SLC66A1: variants seen among roughly 807,000 people sequenced by gnomAD.
SLC66A1 encodes the protein lysosomal amino acid transporter 1 homolog.
Under a neutral mutation model 33.0 loss-of-function variants are expected in SLC66A1, and 23 were observed. The ratio of observed to expected loss-of-function variants is 0.70; its 90% CI spans 0.50 to 0.99. The LOEUF (loss-of-function observed/expected upper bound fraction) is 0.99, where lower values mean the gene tolerates loss of function less well. SLC66A1 is among the 50% of genes least tolerant of loss of function. The pLI is 0.00. For missense variants in SLC66A1, 335 were observed against 383.6 expected (o/e 0.87, Z 1.06); for synonymous variants, 164 against 175.5 (o/e 0.93, Z 0.52).
At chr1:19,326,155 CT>C (rs1473288894) in intron 4 of SLC66A1, 89 bp from the exon 5 acceptor site, 1 of 1,320,286 alleles carries the variant, frequency 7.6e-7, no homozygotes, top group African/African-American at 1.5e-5. Flanking sequence ...CACACAGCCC[CT>C]GAGGGGCAAG....
rs41264077 is a variant in SLC66A1, at chr1:19,326,190, G to A, written c.383-55G>A. 5.6e-4 allele frequency: 867 copies of A among 1,549,314 alleles called. 5 individuals are homozygous for A. In the African/African-American group the frequency reaches 0.01, roughly 18 times the overall value. On this transcript the variant is annotated intron_variant, in intron 4 of 7. Coordinates refer to ENST00000375153, the MANE Select transcript of SLC66A1 (RefSeq NM_001040125.2). Reference sequence around the variant, plus strand: ...AGGCCAGGACTTAGCACCCTCCCCCGACAACCGCTGCCACTCAGCCATCTA... The same window carrying A: ...AGGCCAGGACTTAGCACCCTCCCCCAACAACCGCTGCCACTCAGCCATCTA...
At position 19,328,847 on chromosome 1, in the gene SLC66A1, G is replaced by A. The variant is rs182963376; in HGVS notation, c.*204G>A. The A allele has an allele frequency of 1.1e-4, 68 of 611,998 alleles. No individual in the cohort carries two copies. Among genetic ancestry groups the A allele is most frequent in the African/African-American group, 1.0e-3 (54 of 54,170 alleles). The allele number at this position is 611,998 out of a possible 1,614,324, so 37.9% of individuals were successfully genotyped here. On this transcript the variant is annotated 3_prime_UTR_variant, in exon 8 of 8. Coordinates refer to ENST00000375153, the MANE Select transcript of SLC66A1 (RefSeq NM_001040125.2). The surrounding 1 kb of genome is among the most constrained non-coding windows in gnomAD (Gnocchi z 4.7). ...CCGGGGCTGGAGCGGAGACCCCAGG[G>A]CCTCTCAGGAGACAGTGAGGCTGCC... is the stretch of plus-strand genomic sequence containing the variant.
intron 4 of SLC66A1, among the ~76,000 whole-genome samples, chr1:19,325,863 C>T (rs1250848176): frequency 6.6e-6 from 1 of 152,200 alleles, no homozygotes. Context: ...CTGTGTCCGG[C>T]CCTGGGCTTG....
At chr1:19,316,767 A>G (rs1271301577) in intron 1 of SLC66A1, among the ~76,000 whole-genome samples, 1 of 152,076 alleles carries the variant, frequency 6.6e-6, no homozygotes, top group African/African-American at 2.4e-5. Flanking sequence ...CCTGGGCTCA[A>G]GTGATCCTCC....
chr1:19,328,463 TGGGGGTGGGAGGGA>T lies in SLC66A1; in HGVS notation c.805-104_805-91del. ...TGGCTGGCCCTTCCCACCTGCAGCGTGGGGGTGGGAGGGAGGGGAGAGGGAGGCAGCTCCCAGGA... is the reference window on the plus strand; with the variant it reads ...TGGCTGGCCCTTCCCACCTGCAGCGTGGGGAGAGGGAGGCAGCTCCCAGGA... On this transcript the variant is annotated intron_variant, in intron 7 of 7. Transcript: ENST00000375153. This position sits in a 1 kb window ranked among gnomAD's most constrained non-coding sequence, Gnocchi z 4.7. The T allele has an allele frequency of 2.0e-6, 2 of 995,710 alleles. No individual in the cohort carries two copies. The highest frequency in any genetic ancestry group is 4.0e-5 in the Admixed American group (2 of 49,412). 61.7% of individuals were successfully genotyped at this position (995,710 alleles called of 1,614,324 possible).
At chr1:19,325,807 C>T (rs571847300) in intron 4 of SLC66A1, among the ~76,000 whole-genome samples, 30 of 152,242 alleles carry the variant, frequency 2.0e-4, no homozygotes, top group Non-Finnish European at 3.4e-4. Context: ...AGGCCGGTTC[C>T]TCTCGCCCAG....
At position 19,325,484 on chromosome 1, in the gene SLC66A1, A is replaced by G. The variant is rs746180606; in HGVS notation, c.295-11A>G. On this transcript the variant is annotated splice_polypyrimidine_tract_variant and intron_variant, in intron 3 of 7. Coordinates refer to ENST00000375153, the MANE Select transcript of SLC66A1 (RefSeq NM_001040125.2). ...CTGCGCCAACCCCTGGGCCCCCTGC[A>G]TCTCTTACAGACCTACACGGCTGTG... 5 of 1,586,952 alleles carry G rather than the reference A, an allele frequency of 3.2e-6. No individual in the cohort carries two copies. The highest frequency in any genetic ancestry group is 4.5e-5 in the East Asian group (2 of 44,746).
chr1:19,316,453 T>C (rs1462596668), intron 1 of SLC66A1, among the ~76,000 whole-genome samples: 1 of 151,934 alleles, frequency 6.6e-6, no homozygotes, highest in East Asian at 1.9e-4. Context: ...GGCATGATCA[T>C]GGCTTGCTCT....
At chr1:19,332,430 CAG>C (rs1007455537), downstream of SLC66A1, among the ~76,000 whole-genome samples, 13 of 152,302 alleles carry the variant, frequency 8.5e-5, no homozygotes, top group African/African-American at 3.1e-4. Flanking sequence ...TGCTTGTCAT[CAG>C]GGGGCTTACC....
intron 1 of SLC66A1, 115 bp from the exon 2 acceptor site, chr1:19,317,485 C>T: frequency 3.8e-6 from 5 of 1,309,644 alleles, no homozygotes; most frequent in Non-Finnish European, 5.0e-6. Flanking sequence ...CTTTGCCCTT[C>T]TCTGGCTCAG....
At chr1:19,316,017 T>C (rs1034483662) in intron 1 of SLC66A1, among the ~76,000 whole-genome samples, 1 of 152,200 alleles carries the variant, frequency 6.6e-6, no homozygotes, top group African/African-American at 2.4e-5. Context: ...TGATGATCAC[T>C]GATGGAGATG....
chr1:19,326,834 A>G (rs1011628290), intron 6 of SLC66A1, among the ~76,000 whole-genome samples: 9 of 152,222 alleles, frequency 5.9e-5, no homozygotes, highest in African/African-American at 2.2e-4. Context: ...CAGCCAGGCT[A>G]CAAGAGGCCC....
intron 7 of SLC66A1, 154 bp downstream of exon 7, chr1:19,327,566 C>A: frequency 1.5e-6 from 1 of 657,258 alleles, no homozygotes; most frequent in Non-Finnish European, 2.5e-6. Flanking sequence ...CATCTGTTCA[C>A]CCAGTCGTGC....
rs1242377363 is a variant in SLC66A1 at position 19,327,428 on chromosome 1, T to C, written c.804+16T>C. On this transcript the variant is annotated intron_variant, in intron 7 of 7. Transcript: ENST00000375153. Reference sequence around the variant, plus strand: ...CGACACCATCGTATCCTTCAGGGCGTGTGGGGCAGGTGGCGGGGTGTGGGC... The same window carrying C: ...CGACACCATCGTATCCTTCAGGGCGCGTGGGGCAGGTGGCGGGGTGTGGGC... 1 of 1,574,162 alleles carries C rather than the reference T, an allele frequency of 6.4e-7. No individual in the cohort carries two copies.
chr1:19,322,301 C>T (rs1050326244), intron 2 of SLC66A1, among the ~76,000 whole-genome samples: 2 of 152,176 alleles, frequency 1.3e-5, no homozygotes, highest in Non-Finnish European at 2.9e-5. Flanking sequence ...CCCCTTTCTG[C>T]CTGGGCTGGT....
chr1:19,323,664 C>A (rs143227485), intron 2 of SLC66A1, among the ~76,000 whole-genome samples: 2 of 151,708 alleles, frequency 1.3e-5, no homozygotes, highest in East Asian at 3.9e-4. Context: ...TCCTCAACCT[C>A]CCAAAGTGTT....
At position 19,326,391 on chromosome 1, in the gene SLC66A1, A is replaced by G; in HGVS notation, c.525+4A>G. On this transcript the variant is annotated splice_donor_region_variant and intron_variant, in intron 5 of 7. Coordinates refer to ENST00000375153, the MANE Select transcript of SLC66A1 (RefSeq NM_001040125.2). The stretch of plus-strand genomic sequence containing the variant: ...GTCCGTGGAGTCGGGCAGCAAGGTG[A>G]GGCGTGGGCGTGGCGGTCGAAGGGA... 1 of 1,606,846 alleles carries G rather than the reference A, an allele frequency of 6.2e-7. No individual in the cohort carries two copies. Among genetic ancestry groups the G allele is most frequent in the Non-Finnish European group, 8.5e-7 (1 of 1,178,046 alleles).
intron 5 of SLC66A1, 50 bp from the exon 6 acceptor site, chr1:19,326,481 G>GA (rs1267676970): frequency 6.2e-7 from 1 of 1,613,568 alleles, no homozygotes; most frequent in Admixed American, 1.7e-5. Flanking sequence ...TGGGGTGGGG[G>GA]ATCACCTCTG....
chr1:19,327,827 A>C (rs2093877496), intron 7 of SLC66A1: 1 of 351,346 alleles, frequency 2.8e-6, no homozygotes, highest in African/African-American at 2.1e-5. Flanking sequence ...GACTTGACAG[A>C]GTAGGAGAAG....
Sources: allele counts gnomAD v4.1 joint callset (sites outside exome capture counted in the v4.1 genomes callset), GRCh38; gene constraint gnomAD v4.1.1; non-coding constraint Gnocchi (gnomAD v3.1); transcripts MANE v1.5; gene names NCBI Gene and HGNC (gene_info 2026-07-23, HGNC 2026-07-21).